Variants in CPNE8 observed in about 807,000 individuals in gnomAD.
CPNE8 encodes the protein copine-8.
In CPNE8, 45 loss-of-function variants were observed where a neutral mutation model predicts 81.5. The ratio of observed to expected loss-of-function variants is 0.55; its 90% CI spans 0.44 to 0.71. The LOEUF (loss-of-function observed/expected upper bound fraction) is 0.71, where lower values mean the gene tolerates loss of function less well. Among genes scored for constraint, CPNE8 ranks in the 30% least tolerant of loss-of-function variants. CPNE8 has a pLI of 0.00. For missense variants in CPNE8, 594 were observed against 672.1 expected (o/e 0.88, Z 1.28); for synonymous variants, 252 against 226.3 (o/e 1.11, Z -1.02).
intron 10 of CPNE8, among the ~76,000 whole-genome samples, chr12:38,758,254 G>C (rs1367421166): frequency 6.6e-6 from 1 of 151,500 alleles, no homozygotes; most frequent in Non-Finnish European, 1.5e-5. Context: ...CGTCTGTTAG[G>C]ATTCTTTCAG....
chr12:38,667,567 C>T (rs1939084983), intron 19 of CPNE8, among the ~76,000 whole-genome samples: 1 of 152,166 alleles, frequency 6.6e-6, no homozygotes, highest in South Asian at 2.1e-4. Context: ...AAATCTCTAA[C>T]TCAATGCAGG....
chr12:38,764,414 G>A lies in CPNE8; in HGVS notation c.576-2198C>T, dbSNP rs372814509. Among the ~76,000 whole-genome samples, 220 of 151,460 alleles carry A rather than the reference G, an allele frequency of 1.5e-3. 1 individual carries two copies. The highest frequency in any genetic ancestry group is 5.0e-3 in the African/African-American group (207 of 41,352). On this transcript the variant is annotated intron_variant, in intron 8 of 19. Coordinates refer to ENST00000331366, the MANE Select transcript of CPNE8 (RefSeq NM_153634.3). ...GGGCGGATCACGAGGTCAGGAGATCGAGACCATCCCGGCTAAAACGGTGAA... is the reference window on the plus strand; with the variant it reads ...GGGCGGATCACGAGGTCAGGAGATCAAGACCATCCCGGCTAAAACGGTGAA...
intron 10 of CPNE8, among the ~76,000 whole-genome samples, chr12:38,754,646 A>G (rs936782981): frequency 6.6e-6 from 1 of 151,826 alleles, no homozygotes; most frequent in South Asian, 2.1e-4. Flanking sequence ...ATATAATTAA[A>G]TCAGTCTTTC....
chr12:38,797,876 A>C (rs866504964), intron 6 of CPNE8, among the ~76,000 whole-genome samples: 5 of 152,286 alleles, frequency 3.3e-5, no homozygotes, highest in African/African-American at 9.6e-5. Context: ...AGCTGAAAGC[A>C]AAGGCTCGAG....
intron 4 of CPNE8, among the ~76,000 whole-genome samples, chr12:38,846,231 C>T (rs1943558173): frequency 6.6e-6 from 1 of 151,994 alleles, no homozygotes; most frequent in African/African-American, 2.4e-5. Context: ...ATAGGATCTC[C>T]AATGTTGAAA....
intron 1 of CPNE8, among the ~76,000 whole-genome samples, chr12:38,876,659 C>G (rs958163638): frequency 5.9e-5 from 9 of 152,198 alleles, no homozygotes; most frequent in African/African-American, 1.4e-4. Context: ...TATAAATCTT[C>G]ATAACATAGT....
At chr12:38,865,353 T>A (rs185956777) in intron 3 of CPNE8, among the ~76,000 whole-genome samples, 1,656 of 152,278 alleles carry the variant, frequency 0.011, 22 homozygotes, top group South Asian at 0.039. Context: ...TAGACAGATA[T>A]TAATATTCAG....
At chr12:38,843,923 T>C (rs1386177595) in intron 4 of CPNE8, among the ~76,000 whole-genome samples, 1 of 151,966 alleles carries the variant, frequency 6.6e-6, no homozygotes, top group Admixed American at 6.6e-5. Context: ...GGTTTTAAAA[T>C]AAAAAGTACC....
chr12:38,836,208 C>A (rs1326526739), intron 5 of CPNE8, among the ~76,000 whole-genome samples: 1 of 152,102 alleles, frequency 6.6e-6, no homozygotes, highest in Non-Finnish European at 1.5e-5. Context: ...GGAAAAATAT[C>A]TTAGTAAAGC....
intron 13 of CPNE8, among the ~76,000 whole-genome samples, chr12:38,712,205 ATT>A (rs200471171): frequency 3.5e-4 from 48 of 135,884 alleles, no homozygotes; most frequent in East Asian, 2.1e-3. Context: ...CAATGATGCC[ATT>A]TTTTTTTTTT....
intron 6 of CPNE8, among the ~76,000 whole-genome samples, chr12:38,784,153 T>G (rs1306454644): frequency 6.6e-6 from 1 of 152,120 alleles, no homozygotes; most frequent in Non-Finnish European, 1.5e-5. Context: ...ATCAAATAAA[T>G]GTAACAAAAA....
chr12:38,813,848 G>A (rs1417271362), intron 6 of CPNE8, among the ~76,000 whole-genome samples: 1 of 152,214 alleles, frequency 6.6e-6, no homozygotes, highest in Non-Finnish European at 1.5e-5. Context: ...GAGAGATGGT[G>A]TCATGAAAGC....
intron 5 of CPNE8, among the ~76,000 whole-genome samples, chr12:38,832,979 CA>C (rs1943314229): frequency 6.6e-6 from 1 of 152,014 alleles, no homozygotes; most frequent in South Asian, 2.1e-4. Flanking sequence ...ATTTAAATTA[CA>C]AATACAATTT....
chr12:38,690,108 C>G (rs1186683228), intron 15 of CPNE8, among the ~76,000 whole-genome samples: 2 of 152,110 alleles, frequency 1.3e-5, no homozygotes, highest in Admixed American at 1.3e-4. Context: ...CCCTTGCTAT[C>G]CAAAAGAATT....
At chr12:38,799,299 A>G (rs1189185474) in intron 6 of CPNE8, among the ~76,000 whole-genome samples, 1 of 152,152 alleles carries the variant, frequency 6.6e-6, no homozygotes, top group Non-Finnish European at 1.5e-5. Context: ...CTTGGAAGTA[A>G]AGCTCTCCTC....
rs138524717 is a variant in CPNE8 at position 38,661,481 on chromosome 12, G to C, written c.1507-7411C>G. Among the ~76,000 whole-genome samples the C allele has an allele frequency of 9.9e-3, 1,502 of 152,196 alleles. 7 individuals carry two copies. The highest frequency in any genetic ancestry group is 0.014 in the Non-Finnish European group (939 of 67,996). ...TGGGGGTGGGGGACGTGGGGAGAGAGAGCATTAGGAGAAATACCTAATGTA... is the reference window on the plus strand; with the variant it reads ...TGGGGGTGGGGGACGTGGGGAGAGACAGCATTAGGAGAAATACCTAATGTA... On this transcript the variant is annotated intron_variant, in intron 19 of 19. Transcript: ENST00000331366.
chr12:38,697,401 T>C (rs530103932), intron 14 of CPNE8, among the ~76,000 whole-genome samples: 9 of 152,320 alleles, frequency 5.9e-5, no homozygotes, highest in African/African-American at 1.9e-4. Context: ...GATTTTATCA[T>C]TTATCACTTG....
At chr12:38,673,718 C>T (rs1328069567) in intron 18 of CPNE8, among the ~76,000 whole-genome samples, 1 of 152,054 alleles carries the variant, frequency 6.6e-6, no homozygotes, top group Non-Finnish European at 1.5e-5. Flanking sequence ...TCTGGGAAGG[C>T]AACTTCCCTT....
At chr12:38,871,038 AT>A (rs1417169793) in intron 3 of CPNE8, among the ~76,000 whole-genome samples, 3 of 152,142 alleles carry the variant, frequency 2.0e-5, no homozygotes, top group Non-Finnish European at 4.4e-5. Flanking sequence ...CATCTTTATT[AT>A]AAAAATTGTA....
Sources: gnomAD v4.1 joint callset for allele counts (sites outside exome capture counted in the v4.1 genomes callset) on GRCh38, gnomAD v4.1.1 for gene constraint, MANE v1.5 for transcripts, NCBI Gene and HGNC (gene_info 2026-07-23, HGNC 2026-07-21) for gene names.